Variants in ARL15 observed in about 807,000 individuals in gnomAD.
ARL15 encodes ARF like GTPase 15, also known as ADP-ribosylation factor-like protein 15.
Under a neutral mutation model 25.2 loss-of-function variants are expected in ARL15, and 19 were observed. That is an observed-to-expected ratio of 0.75 (90% CI 0.53 to 1.10). ARL15 has a LOEUF of 1.10. Among genes scored for constraint, ARL15 ranks in the 50% least tolerant of loss-of-function variants. The pLI is 0.00. For missense variants in ARL15, 220 were observed against 246.0 expected, an observed-to-expected ratio of 0.89 and a Z score of 0.71; for synonymous variants, 94 against 86.8, an observed-to-expected ratio of 1.08 and a Z score of -0.46.
chr5:54,247,128 T>C (rs1757110090), intron 1 of ARL15, among the ~76,000 whole-genome samples: 1 of 152,170 alleles, frequency 6.6e-6, no homozygotes, highest in South Asian at 2.1e-4. Context: ...TGAATGTAAT[T>C]TGCCCTCTGC....
At chr5:54,098,173 T>C (rs935123616) in intron 4 of ARL15, among the ~76,000 whole-genome samples, 1 of 152,148 alleles carries the variant, frequency 6.6e-6, no homozygotes, top group Non-Finnish European at 1.5e-5. Flanking sequence ...CTCTGTTTCC[T>C]GCAATTCAAA....
intron 1 of ARL15, among the ~76,000 whole-genome samples, chr5:54,191,709 A>G (rs1402987089): frequency 6.6e-6 from 1 of 152,052 alleles, no homozygotes; most frequent in African/African-American, 2.4e-5. Context: ...GACTCCAACT[A>G]CTTCTCACCA....
At chr5:54,081,337 G>A (rs1396633748) in intron 4 of ARL15, among the ~76,000 whole-genome samples, 1 of 152,130 alleles carries the variant, frequency 6.6e-6, no homozygotes, top group African/African-American at 2.4e-5. Context: ...CTCTACTAAT[G>A]ATGGAATTGT....
At chr5:54,040,398 C>T (rs1023193424) in intron 4 of ARL15, among the ~76,000 whole-genome samples, 7 of 152,244 alleles carry the variant, frequency 4.6e-5, no homozygotes, top group African/African-American at 1.7e-4. Flanking sequence ...AGAGCAACAA[C>T]AGGATCTTGA....
At chr5:54,217,614 A>G (rs1756246102) in intron 1 of ARL15, among the ~76,000 whole-genome samples, 1 of 152,152 alleles carries the variant, frequency 6.6e-6, no homozygotes, top group African/African-American at 2.4e-5. Context: ...AAAGTATTCC[A>G]TTTGCAAGGC....
chr5:54,172,421 G>GA (rs199885624), intron 1 of ARL15, among the ~76,000 whole-genome samples: 40 of 147,846 alleles, frequency 2.7e-4, no homozygotes, highest in African/African-American at 2.7e-4. Context: ...ATCAAAAGGG[G>GA]AAAAAAAAAG....
At chr5:53,932,499 A>G (rs1746223424) in intron 4 of ARL15, among the ~76,000 whole-genome samples, 1 of 152,226 alleles carries the variant, frequency 6.6e-6, no homozygotes, top group African/African-American at 2.4e-5. Context: ...ATGACAAATA[A>G]GCAAGGAAGA....
intron 4 of ARL15, among the ~76,000 whole-genome samples, chr5:53,916,241 A>T (rs1745641990): frequency 6.6e-6 from 1 of 151,346 alleles, no homozygotes; most frequent in Admixed American, 6.6e-5. Flanking sequence ...AATTCAGAGA[A>T]TACCTTAATC....
At chr5:54,308,605 G>GT (rs1156514998) in intron 1 of ARL15, among the ~76,000 whole-genome samples, 3 of 152,208 alleles carry the variant, frequency 2.0e-5, no homozygotes, top group Non-Finnish European at 4.4e-5. Context: ...ACACAAAGCT[G>GT]TTAGTAAATT....
At chr5:53,979,971 C>T (rs953055560) in intron 4 of ARL15, among the ~76,000 whole-genome samples, 7 of 152,084 alleles carry the variant, frequency 4.6e-5, no homozygotes, top group African/African-American at 7.2e-5. Context: ...TCCCAAAGTG[C>T]TGGGATTACA....
intron 1 of ARL15, among the ~76,000 whole-genome samples, chr5:54,303,215 C>G (rs1434831770): frequency 6.6e-6 from 1 of 152,012 alleles, no homozygotes; most frequent in Non-Finnish European, 1.5e-5. Flanking sequence ...ATAGCACAGT[C>G]TCAGTACCTC....
At chr5:54,005,153 G>A (rs1057356096) in intron 4 of ARL15, among the ~76,000 whole-genome samples, 11 of 152,018 alleles carry the variant, frequency 7.2e-5, no homozygotes, top group South Asian at 4.2e-4. Context: ...CGCCCAGCCC[G>A]TGTTTGTTTT....
intron 4 of ARL15, among the ~76,000 whole-genome samples, chr5:54,006,555 G>A (rs1749052181): frequency 6.6e-6 from 1 of 151,726 alleles, no homozygotes; most frequent in African/African-American, 2.4e-5. Flanking sequence ...AAACAGGGAT[G>A]GAGAACATAC....
rs537754765 is a variant in ARL15, at chr5:54,124,486, C to G, written c.254-11076G>C. On this transcript the variant is annotated intron_variant, in intron 3 of 4. Coordinates refer to ENST00000504924, the MANE Select transcript of ARL15 (RefSeq NM_019087.3). ...GCAAAGAAAAAAACACATTATCTACCACACCTCCACTCTTTGGTTTGTATT... is the reference window on the plus strand; with the variant it reads ...GCAAAGAAAAAAACACATTATCTACGACACCTCCACTCTTTGGTTTGTATT... 3.9e-5 allele frequency among the ~76,000 whole-genome samples: 6 copies of G among 152,156 alleles called. No individual in the cohort carries two copies. In the East Asian group the frequency reaches 1.2e-3, roughly 29 times the overall value.
chr5:54,033,771 T>G (rs1016395221), intron 4 of ARL15, among the ~76,000 whole-genome samples: 7 of 152,210 alleles, frequency 4.6e-5, no homozygotes, highest in African/African-American at 1.7e-4. Context: ...GAAATGGCAC[T>G]TTAAATTAGA....
intron 1 of ARL15, among the ~76,000 whole-genome samples, chr5:54,179,389 T>G (rs1754980589): frequency 6.6e-6 from 1 of 152,098 alleles, no homozygotes; most frequent in Non-Finnish European, 1.5e-5. Flanking sequence ...TAAGTTTGCC[T>G]TTGTAACTGA....
intron 1 of ARL15, among the ~76,000 whole-genome samples, chr5:54,273,461 C>T (rs1005627114): frequency 1.3e-5 from 2 of 152,116 alleles, no homozygotes; most frequent in Non-Finnish European, 2.9e-5. Context: ...AAATAACTGG[C>T]CTGGCCTCTT....
intron 1 of ARL15, among the ~76,000 whole-genome samples, chr5:54,278,413 C>G (rs1757975619): frequency 6.6e-6 from 1 of 152,324 alleles, no homozygotes; most frequent in South Asian, 2.1e-4. Context: ...CTCCTTCCTC[C>G]TGAACAGAAC....
intron 1 of ARL15, among the ~76,000 whole-genome samples, chr5:54,273,125 A>T (rs1757835615): frequency 1.3e-5 from 2 of 152,236 alleles, no homozygotes; most frequent in African/African-American, 4.8e-5. Flanking sequence ...AAACTTACAT[A>T]GTCCCATATC....
Sources: allele counts gnomAD v4.1 joint callset (sites outside exome capture counted in the v4.1 genomes callset), GRCh38; gene constraint gnomAD v4.1.1; transcripts MANE v1.5; gene names NCBI Gene and HGNC (gene_info 2026-07-23, HGNC 2026-07-21).